The following RFX2 variants were observed in gnomAD, a reference collection of about 807,000 sequenced individuals.
RFX2 encodes DNA-binding protein RFX2.
A neutral mutation model predicts 87.8 loss-of-function variants in RFX2; 20 were observed. That is an observed-to-expected ratio of 0.23 (90% CI 0.16 to 0.33). RFX2 has a LOEUF of 0.33. RFX2 is among the 10% of genes least tolerant of loss of function. The pLI is 1.00. For missense variants in RFX2, 767 were observed against 1,012.3 expected (o/e 0.76, Z 3.29); for synonymous variants, 397 against 431.3 (o/e 0.92, Z 0.98).
At position 6,001,906 on chromosome 19, in the gene RFX2, T is replaced by C; in HGVS notation, c.1768A>G (p.Ser590Gly). The C allele has an allele frequency of 6.2e-7, 1 of 1,613,242 alleles. No individual in the cohort carries two copies. The change falls in exon 15 of 18, where the codon AGT becomes GGT. Residue 590 changes from serine (S) to glycine (G), a missense_variant. This residue lies in a region of RFX2 where 621 missense variants were observed against 873.0 expected (regional missense o/e 0.71). Transcript: ENST00000303657. This position sits in a 1 kb window ranked among gnomAD's most constrained non-coding sequence, Gnocchi z 5.6. Reference sequence around the variant, plus strand: ...TGCTTCAGGACCTGGGTGACCACACTGTCCAGCCAGCTGGCCCACTGGTCC... The same window carrying C: ...TGCTTCAGGACCTGGGTGACCACACCGTCCAGCCAGCTGGCCCACTGGTCC... ...SLDQWASWLD[S>G]VVTQVLKQHA...
chr19:5,997,348 G>T lies in RFX2; in HGVS notation c.1860-135C>A. ...CCCAGAGGCTGAGTGATCCTAAGAC[G>T]TGCAGGCCTACGCGGGGGCTGACGG... is the stretch of plus-strand genomic sequence containing the variant. On this transcript the variant is annotated intron_variant, in intron 15 of 17. Coordinates refer to ENST00000303657, the MANE Select transcript of RFX2 (RefSeq NM_000635.4). The surrounding 1 kb of genome is among the most constrained non-coding windows in gnomAD (Gnocchi z 4.2). 9.5e-7 allele frequency: 1 copy of T among 1,052,266 alleles called. No individual in the cohort carries two copies. Among genetic ancestry groups the T allele is most frequent in the Non-Finnish European group, 1.3e-6 (1 of 753,246 alleles). The allele number at this position is 1,052,266 out of a possible 1,614,324, so 65.2% of individuals were successfully genotyped here. A position where few individuals can be genotyped will look rare whatever the true frequency, so the allele number is the denominator to read the frequency against.
Position 6,026,310 on chromosome 19 carries a change from T to C in RFX2, c.523-73A>G. ...AAAAAAGGAAATCAGATGGTTAGCA[T>C]CAGCCAAGATTTGTTTTTATTAATA... On this transcript the variant is annotated intron_variant, in intron 5 of 17. Transcript: ENST00000303657. The surrounding 1 kb of genome is among the most constrained non-coding windows in gnomAD (Gnocchi z 4.5). 7.8e-7 allele frequency: 1 copy of C among 1,283,554 alleles called. No individual in the cohort carries two copies. The allele number at this position is 1,283,554 out of a possible 1,614,324, so 79.5% of individuals were successfully genotyped here. A position where few individuals can be genotyped will look rare whatever the true frequency, so the allele number is the denominator to read the frequency against.
intron 3 of RFX2, among the ~76,000 whole-genome samples, chr19:6,043,917 C>A (rs1204691951): frequency 6.6e-6 from 1 of 152,250 alleles, no homozygotes; most frequent in Non-Finnish European, 1.5e-5. Context: ...CTGAGCTCCA[C>A]CCAGCAGGTG....
rs567002465 is a variant in RFX2 at position 6,036,680 on chromosome 19, C to T, written c.522+3300G>A. Among the ~76,000 whole-genome samples, 4 of 152,266 alleles carry T rather than the reference C, an allele frequency of 2.6e-5. No homozygotes were observed. The South Asian group carries it at 8.3e-4, about 32-fold the overall frequency. On this transcript the variant is annotated intron_variant, in intron 5 of 17. Coordinates refer to ENST00000303657, the MANE Select transcript of RFX2 (RefSeq NM_000635.4). Reference sequence around the variant, plus strand: ...ATGTAAAAAAACGTTTGACAGAATTCAACATCTATTTATCATAGAGACTTC... The same window carrying T: ...ATGTAAAAAAACGTTTGACAGAATTTAACATCTATTTATCATAGAGACTTC...
chr19:6,073,288 T>C, intron 1 of RFX2: 1 of 995,870 alleles, frequency 1.0e-6, no homozygotes, highest in Non-Finnish European at 1.6e-6. Context: ...AAGGGCCAGA[T>C]CTTGATGCCC....
At chr19:6,073,020 T>C (rs1312554930) in intron 1 of RFX2, 3 of 520,678 alleles carry the variant, frequency 5.8e-6, no homozygotes, top group Non-Finnish European at 1.0e-5. Flanking sequence ...CACTCTGTTG[T>C]GCAGGCTGCA....
intron 6 of RFX2, among the ~76,000 whole-genome samples, chr19:6,019,389 C>G (rs1419362375): frequency 6.6e-6 from 1 of 151,976 alleles, no homozygotes; most frequent in Non-Finnish European, 1.5e-5. Context: ...TTTTTCTCCT[C>G]CAAAGTCCGG....
Position 6,101,430 on chromosome 19 carries a change from C to T in RFX2, c.-9+8963G>A, listed in dbSNP as rs886231456. ...GGTTTCCACTGGCCTGGGTGGAGCC[C>T]GCATACATTTTTGTGGGCTGGTAAT... On this transcript the variant is annotated intron_variant, in intron 1 of 17. Transcript: ENST00000303657. The surrounding 1 kb of genome is among the most constrained non-coding windows in gnomAD (Gnocchi z 4.9). Among the ~76,000 whole-genome samples the T allele has an allele frequency of 5.9e-5, 9 of 152,280 alleles. No individual in the cohort carries two copies. Among genetic ancestry groups the T allele is most frequent in the African/African-American group, 1.7e-4 (7 of 41,560 alleles).
In RFX2 at chr19:6,061,218, G is replaced by A. The variant is rs1340683239; in HGVS notation, c.-8-13714C>T. ...AACCACCACATCCGCCTCCTAATTG[G>A]TCTCCCTGCTTCCAGCCTCTGCCCT... is the stretch of plus-strand genomic sequence containing the variant. On this transcript the variant is annotated intron_variant, in intron 1 of 17. Coordinates refer to ENST00000303657, the MANE Select transcript of RFX2 (RefSeq NM_000635.4). This position sits in a 1 kb window ranked among gnomAD's most constrained non-coding sequence, Gnocchi z 5.2. Among the ~76,000 whole-genome samples, 1 of 152,040 alleles carries A rather than the reference G, an allele frequency of 6.6e-6. No homozygotes were observed. The highest frequency in any genetic ancestry group is 2.4e-5 in the African/African-American group (1 of 41,390).
At position 6,001,053 on chromosome 19, in the gene RFX2, G is replaced by A. The variant is rs1179131809; in HGVS notation, c.1859+762C>T. On this transcript the variant is annotated intron_variant, in intron 15 of 17. Coordinates refer to ENST00000303657, the MANE Select transcript of RFX2 (RefSeq NM_000635.4). This position sits in a 1 kb window ranked among gnomAD's most constrained non-coding sequence, Gnocchi z 5.6. ...TGGCTCCCCTGCCCTGGTCTGCACA[G>A]GTTAGGTCTGTAGCTTGGAAATGAT... 6.6e-6 allele frequency among the ~76,000 whole-genome samples: 1 copy of A among 152,236 alleles called. No individual in the cohort carries two copies. Among genetic ancestry groups the A allele is most frequent in the Non-Finnish European group, 1.5e-5 (1 of 68,046 alleles).
intron 1 of RFX2, among the ~76,000 whole-genome samples, chr19:6,103,511 C>T (rs1037142596): frequency 2.2e-4 from 33 of 152,168 alleles, no homozygotes; most frequent in Non-Finnish European, 1.5e-5. Flanking sequence ...TTTCCAGACT[C>T]TGACTGTGTT....
At position 6,056,583 on chromosome 19, in the gene RFX2, A is replaced by G. The variant is rs2087346299; in HGVS notation, c.-8-9079T>C. On this transcript the variant is annotated intron_variant, in intron 1 of 17. Coordinates refer to ENST00000303657, the MANE Select transcript of RFX2 (RefSeq NM_000635.4). The surrounding 1 kb of genome is among the most constrained non-coding windows in gnomAD (Gnocchi z 4.6). ...ACTCAAGGTAAAGTCCACAGGGCAC[A>G]GGGACGCACACTGTGGAGCACCTTT... 6.6e-6 allele frequency among the ~76,000 whole-genome samples: 1 copy of G among 152,190 alleles called. No homozygotes were observed. Among genetic ancestry groups the G allele is most frequent in the Non-Finnish European group, 1.5e-5 (1 of 68,036 alleles).
In RFX2 at chr19:6,083,202, C is replaced by T. The variant is rs1163309270; in HGVS notation, c.-9+27191G>A. ...AATTACAGGCATGAGCCACTGTGCCCGGCCTTCATCATGAAATTTTTTGGC... is the reference window on the plus strand; with the variant it reads ...AATTACAGGCATGAGCCACTGTGCCTGGCCTTCATCATGAAATTTTTTGGC... On this transcript the variant is annotated intron_variant, in intron 1 of 17. Coordinates refer to ENST00000303657, the MANE Select transcript of RFX2 (RefSeq NM_000635.4). This position sits in a 1 kb window ranked among gnomAD's most constrained non-coding sequence, Gnocchi z 4.6. 1.3e-5 allele frequency among the ~76,000 whole-genome samples: 2 copies of T among 152,148 alleles called. No individual in the cohort carries two copies. Among genetic ancestry groups the T allele is most frequent in the Non-Finnish European group, 2.9e-5 (2 of 68,020 alleles).
chr19:6,099,263 C>T (rs553681558), intron 1 of RFX2, among the ~76,000 whole-genome samples: 8 of 152,252 alleles, frequency 5.3e-5, no homozygotes, highest in African/African-American at 1.9e-4. Flanking sequence ...TACTCAGCTC[C>T]TAGCAATGAG....
At chr19:6,070,338 C>CA (rs1464064075) in intron 1 of RFX2, among the ~76,000 whole-genome samples, 2 of 148,780 alleles carry the variant, frequency 1.3e-5, no homozygotes, top group Non-Finnish European at 1.5e-5. Context: ...GGAGAGAAGA[C>CA]AGAGTGTCCA....
chr19:6,068,163 T>A (rs1483416762), intron 1 of RFX2: 1 of 152,044 alleles, frequency 6.6e-6, no homozygotes, highest in East Asian at 1.9e-4. Flanking sequence ...AGGCTTTGCT[T>A]AGGGGACACG....
intron 1 of RFX2, among the ~76,000 whole-genome samples, chr19:6,058,226 T>A (rs1339655008): frequency 1.3e-5 from 2 of 152,182 alleles, no homozygotes. Context: ...ATCCCTGGCC[T>A]CCGCTCACTC....
intron 1 of RFX2, among the ~76,000 whole-genome samples, chr19:6,060,485 C>T (rs1374675473): frequency 6.6e-6 from 1 of 152,176 alleles, no homozygotes; most frequent in Non-Finnish European, 1.5e-5. Flanking sequence ...CACATCACAC[C>T]CATTTGAGGA....
Position 6,083,874 on chromosome 19 carries a change from A to T in RFX2, c.-9+26519T>A, listed in dbSNP as rs2087819558. ...AATGCCTGCTAGCGAGTAGGCACTC[A>T]AACGTGTCTGAATAATTTAGTCCCA... On this transcript the variant is annotated intron_variant, in intron 1 of 17. Transcript: ENST00000303657. The surrounding 1 kb of genome is among the most constrained non-coding windows in gnomAD (Gnocchi z 4.6). Among the ~76,000 whole-genome samples, 1 of 152,156 alleles carries T rather than the reference A, an allele frequency of 6.6e-6. No homozygotes were observed. The highest frequency in any genetic ancestry group is 1.5e-5 in the Non-Finnish European group (1 of 68,034).
Sources: gnomAD v4.1 joint callset for allele counts (sites outside exome capture counted in the v4.1 genomes callset) on GRCh38, gnomAD v4.1.1 for gene constraint, gnomAD v4.1.1 regional missense constraint, Gnocchi (gnomAD v3.1) non-coding constraint, MANE v1.5 for transcripts, NCBI Gene and HGNC (gene_info 2026-07-23, HGNC 2026-07-21) for gene names.